Variants in ATP6V1C1 observed in about 807,000 individuals in gnomAD.
ATP6V1C1 encodes V-type proton ATPase subunit C 1.
Under a neutral mutation model 53.9 loss-of-function variants are expected in ATP6V1C1, and 45 were observed. The ratio of observed to expected loss-of-function variants is 0.83; its 90% CI spans 0.66 to 1.07. ATP6V1C1 has a LOEUF of 1.07. ATP6V1C1 is among the 50% of genes least tolerant of loss of function. ATP6V1C1 has a pLI of 0.00. For synonymous variants in ATP6V1C1, 153 were observed against 155.2 expected (o/e 0.99, Z 0.11); for missense variants, 315 against 440.3 (o/e 0.72, Z 2.55).
At chr8:103,063,551 A>T (rs979592761) in intron 10 of ATP6V1C1, among the ~76,000 whole-genome samples, 1 of 152,212 alleles carries the variant, frequency 6.6e-6, no homozygotes, top group Non-Finnish European at 1.5e-5. Context: ...TTTTAAATGC[A>T]GTATTCTGGT....
chr8:103,069,389 A>G lies in ATP6V1C1; in HGVS notation c.*642A>G, dbSNP rs1361116030. ...AGGATTTTGTTATATGCTGAGGTGTAACCATTTGTGTTGTCTGACTTTCGT... is the reference window on the plus strand; with the variant it reads ...AGGATTTTGTTATATGCTGAGGTGTGACCATTTGTGTTGTCTGACTTTCGT... On this transcript the variant is annotated 3_prime_UTR_variant, in exon 13 of 13. Coordinates refer to ENST00000518738, the MANE Select transcript of ATP6V1C1 (RefSeq NM_001695.5). 1 of 152,234 alleles carries G rather than the reference A, an allele frequency of 6.6e-6. No individual in the cohort carries two copies. The highest frequency in any genetic ancestry group is 1.9e-4 in the East Asian group (1 of 5,198). 9.4% of individuals were successfully genotyped at this position (152,234 alleles called of 1,614,324 possible). A position where few individuals can be genotyped will look rare whatever the true frequency, so the allele number is the denominator to read the frequency against.
chr8:103,053,966 C>T lies in ATP6V1C1; in HGVS notation c.556C>T (p.Leu186=). 10 of 1,607,492 alleles carry T rather than the reference C, an allele frequency of 6.2e-6. No individual in the cohort carries two copies. Among genetic ancestry groups the T allele is most frequent in the Non-Finnish European group, 8.5e-6 (10 of 1,176,648 alleles). The part of the protein sequence containing the change: ...VLDSEYLVTL[L]VVVPKLNHND... The stretch of plus-strand genomic sequence containing the variant: ...TGATTCAGAGTATCTCGTCACATTA[C>T]TGGTAGTAGTTCCCAAGTAAGTCTT... Residue 186 remains leucine (L), a synonymous_variant, in exon 7 of 13, where the codon CTG becomes TTG. Coordinates refer to ENST00000518738, the MANE Select transcript of ATP6V1C1 (RefSeq NM_001695.5).
intron 2 of ATP6V1C1, 48 bp downstream of exon 2, chr8:103,041,016 AG>A: frequency 6.4e-7 from 1 of 1,567,210 alleles, no homozygotes; most frequent in Non-Finnish European, 8.7e-7. Context: ...CATCCAGGGG[AG>A]GGCCAGTTCT....
chr8:103,024,470 T>C (rs1816661111), intron 1 of ATP6V1C1, among the ~76,000 whole-genome samples: 1 of 152,218 alleles, frequency 6.6e-6, no homozygotes, highest in Non-Finnish European at 1.5e-5. Flanking sequence ...AAGGTCTCCA[T>C]GTAGTTTACC....
At chr8:103,033,409 G>T (rs1399935201) in intron 1 of ATP6V1C1, among the ~76,000 whole-genome samples, 1 of 152,208 alleles carries the variant, frequency 6.6e-6, no homozygotes, top group African/African-American at 2.4e-5. Flanking sequence ...GGTGCTTGAT[G>T]TTATCTCATT....
At chr8:103,051,190 CT>C in intron 5 of ATP6V1C1, 46 bp downstream of exon 5, 1 of 1,359,636 alleles carries the variant, frequency 7.4e-7, no homozygotes, top group Non-Finnish European at 1.0e-6. Flanking sequence ...TTTGTAGTGG[CT>C]TTGCTTATTT....
intron 1 of ATP6V1C1, among the ~76,000 whole-genome samples, chr8:103,039,731 A>T (rs1323054656): frequency 6.6e-6 from 1 of 151,946 alleles, no homozygotes; most frequent in Non-Finnish European, 1.5e-5. Flanking sequence ...TGTGTGTGGG[A>T]AGGGGAAGGA....
intron 2 of ATP6V1C1, 115 bp from the exon 3 acceptor site, chr8:103,042,225 T>G (rs1460973225): frequency 1.0e-6 from 1 of 995,758 alleles, no homozygotes; most frequent in African/African-American, 1.7e-5. Context: ...TTACACATTA[T>G]GAAATAAAAT....
chr8:103,064,680 A>G (rs1343582212), intron 10 of ATP6V1C1, 34 bp from the exon 11 acceptor site: 1 of 1,583,940 alleles, frequency 6.3e-7, no homozygotes, highest in South Asian at 1.1e-5. Flanking sequence ...TATTTCTAAG[A>G]CCAAATTTGT....
intron 4 of ATP6V1C1, among the ~76,000 whole-genome samples, chr8:103,049,244 AG>A (rs1448456136): frequency 6.6e-6 from 1 of 152,218 alleles, no homozygotes; most frequent in Admixed American, 6.5e-5. Flanking sequence ...AGTTCTTTCC[AG>A]GTTCTATTTA....
At position 103,040,981 on chromosome 8, in the gene ATP6V1C1, T is replaced by C; in HGVS notation, c.132+13T>C. The C allele has an allele frequency of 1.2e-6, 2 of 1,611,750 alleles. No homozygotes were observed. Among genetic ancestry groups the C allele is most frequent in the Non-Finnish European group, 1.7e-6 (2 of 1,178,644 alleles). ...TCCTGACTTAAAGGTGAAGCTGCACTGTGCAAAATTATATATGAGTTCATC... is the reference window on the plus strand; with the variant it reads ...TCCTGACTTAAAGGTGAAGCTGCACCGTGCAAAATTATATATGAGTTCATC... On this transcript the variant is annotated intron_variant, in intron 2 of 12. Coordinates refer to ENST00000518738, the MANE Select transcript of ATP6V1C1 (RefSeq NM_001695.5).
rs1043816712 is a variant in ATP6V1C1, at chr8:103,068,750, A to G, written c.*3A>G. 6.2e-7 allele frequency: 1 copy of G among 1,607,738 alleles called. No homozygotes were observed. Among genetic ancestry groups the G allele is most frequent in the Non-Finnish European group, 8.5e-7 (1 of 1,176,182 alleles). ...GCAACTTGCTGGAATTCAAGTGAAA[A>G]TGGGCTCCTCCCCCGACAATCCTGT... On this transcript the variant is annotated 3_prime_UTR_variant, in exon 13 of 13. Coordinates refer to ENST00000518738, the MANE Select transcript of ATP6V1C1 (RefSeq NM_001695.5).
At chr8:103,064,145 G>A (rs190631586) in intron 10 of ATP6V1C1, among the ~76,000 whole-genome samples, 2 of 152,220 alleles carry the variant, frequency 1.3e-5, no homozygotes, top group Admixed American at 6.5e-5. Flanking sequence ...TTTGAAATCC[G>A]CTTAATCCTA....
Position 103,068,962 on chromosome 8 carries a change from A to G in ATP6V1C1, c.*215A>G, listed in dbSNP as rs1817541940. ...TTCTTTTTATTGATCAGGTCTGTAA[A>G]TGTGTACTAAAAAAATCAGAGTTTA... is the stretch of plus-strand genomic sequence containing the variant. On this transcript the variant is annotated 3_prime_UTR_variant, in exon 13 of 13. Coordinates refer to ENST00000518738, the MANE Select transcript of ATP6V1C1 (RefSeq NM_001695.5). The G allele has an allele frequency of 3.4e-6, 1 of 297,484 alleles. No individual in the cohort carries two copies. Among genetic ancestry groups the G allele is most frequent in the African/African-American group, 2.2e-5 (1 of 46,096 alleles). The allele number at this position is 297,484 out of a possible 1,614,324, so 18.4% of individuals were successfully genotyped here.
intron 12 of ATP6V1C1, among the ~76,000 whole-genome samples, chr8:103,067,464 ATT>A (rs1280785171): frequency 7.0e-6 from 1 of 142,056 alleles, no homozygotes; most frequent in Non-Finnish European, 1.5e-5. Flanking sequence ...TATCTTGCTG[ATT>A]TTTTTTTTTC....
rs1399932514 is a variant in ATP6V1C1, at chr8:103,070,547, G to C, written c.*1800G>C. 1 of 152,126 alleles carries C rather than the reference G, an allele frequency of 6.6e-6. No individual in the cohort carries two copies. Among genetic ancestry groups the C allele is most frequent in the Non-Finnish European group, 1.5e-5 (1 of 68,024 alleles). 9.4% of individuals were successfully genotyped at this position (152,126 alleles called of 1,614,324 possible). On this transcript the variant is annotated 3_prime_UTR_variant, in exon 13 of 13. Transcript: ENST00000518738. ...TTCTTTGAGTCTTAGTATCTGTAACGTGGCGCTACTCTCTCTATCATGGGG... is the reference window on the plus strand; with the variant it reads ...TTCTTTGAGTCTTAGTATCTGTAACCTGGCGCTACTCTCTCTATCATGGGG...
At chr8:103,056,000 C>A in intron 8 of ATP6V1C1, 64 bp downstream of exon 8, 1 of 1,486,056 alleles carries the variant, frequency 6.7e-7, no homozygotes, top group Non-Finnish European at 9.3e-7. Flanking sequence ...TGGATGTTGG[C>A]TTAGGAAATA....
chr8:103,062,601 G>A (rs1232582404), intron 8 of ATP6V1C1, among the ~76,000 whole-genome samples: 1 of 152,196 alleles, frequency 6.6e-6, no homozygotes, highest in Non-Finnish European at 1.5e-5. Flanking sequence ...AAAGAATTAG[G>A]CTTCCAGAAA....
chr8:103,042,194 G>A, intron 2 of ATP6V1C1, 146 bp from the exon 3 acceptor site: 1 of 758,902 alleles, frequency 1.3e-6, no homozygotes, highest in Non-Finnish European at 2.1e-6. Flanking sequence ...GAAATGTCTG[G>A]CAAACATCTT....
Sources: gnomAD v4.1 joint callset for allele counts (sites outside exome capture counted in the v4.1 genomes callset) on GRCh38, gnomAD v4.1.1 for gene constraint, MANE v1.5 for transcripts, NCBI Gene and HGNC (gene_info 2026-07-23, HGNC 2026-07-21) for gene names.